CIB1: variants seen among roughly 807,000 people sequenced by gnomAD.
The protein encoded by CIB1 is calcium and integrin binding 1.
Under a neutral mutation model 25.0 loss-of-function variants are expected in CIB1, and 19 were observed. The observed-to-expected ratio is 0.76, with a 90% CI of 0.53 to 1.12. The LOEUF is 1.12. Among genes scored for constraint, CIB1 ranks in the 50% most tolerant of loss-of-function variants. The pLI, the probability that CIB1 is intolerant of heterozygous loss-of-function variation, is 0.00. For synonymous variants in CIB1, 104 were observed against 98.5 expected (o/e 1.06, Z -0.33); for missense variants, 236 against 242.6 (o/e 0.97, Z 0.18).
At chr15:90,235,952 A>G (rs1701624975), upstream of CIB1, 1 of 152,234 alleles carries the variant, frequency 6.6e-6, no homozygotes, top group African/African-American at 2.4e-5. Context: ...AAAAGCAAGA[A>G]GCTGTCATTA....
chr15:90,233,648 A>C (rs1370098621), intron 2 of CIB1, 21 bp downstream of exon 2: 5 of 1,571,040 alleles, frequency 3.2e-6, no homozygotes, highest in Non-Finnish European at 4.3e-6. Flanking sequence ...GGTCGGAGGC[A>C]GGGTTCAAGG....
chr15:90,261,989 G>T, the CIB1 span: 3 of 1,523,378 alleles, frequency 2.0e-6, no homozygotes, highest in African/African-American at 4.1e-5. Context: ...TTGACTCACT[G>T]AGCTTGCTTT....
the CIB1 span, chr15:90,255,923 G>A: frequency 4.3e-6 from 7 of 1,613,370 alleles, no homozygotes; most frequent in Non-Finnish European, 5.9e-6. Flanking sequence ...GATACCAGGG[G>A]GAGGAAAAGG....
At chr15:90,251,081 G>T in the CIB1 span, among the ~76,000 whole-genome samples, 1 of 150,110 alleles carries the variant, frequency 6.7e-6, no homozygotes, top group Non-Finnish European at 1.5e-5. Context: ...GCTCATTTTG[G>T]AATCCCAGCC....
chr15:90,248,816 C>T, the CIB1 span, among the ~76,000 whole-genome samples: 2 of 141,564 alleles, frequency 1.4e-5, no homozygotes, highest in African/African-American at 2.7e-5. Context: ...TTTAGCCACA[C>T]AGTATAATTT....
the CIB1 span, chr15:90,265,480 G>A: frequency 4.3e-6 from 6 of 1,383,004 alleles, no homozygotes; most frequent in Non-Finnish European, 1.9e-6. Context: ...CAGTTTTCCA[G>A]GAGCGTCCTG....
At chr15:90,231,779 A>C (rs1962499333) in intron 3 of CIB1, among the ~76,000 whole-genome samples, 1 of 152,226 alleles carries the variant, frequency 6.6e-6, no homozygotes, top group Admixed American at 6.5e-5. Context: ...AGAGGGAAGA[A>C]GAAGTCATCC....
the CIB1 span, chr15:90,263,787 G>T: frequency 1.4e-6 from 1 of 703,988 alleles, no homozygotes; most frequent in South Asian, 1.5e-5. Flanking sequence ...TGAAATCTAT[G>T]AGTCTGGTCC....
chr15:90,233,634 C>A, intron 2 of CIB1, 35 bp downstream of exon 2: 1 of 1,562,852 alleles, frequency 6.4e-7, no homozygotes. Flanking sequence ...CTAGAGGATC[C>A]CGGGGTCGGA....
At chr15:90,262,103 G>GA in the CIB1 span, 2 of 1,536,000 alleles carry the variant, frequency 1.3e-6, no homozygotes, top group African/African-American at 2.7e-5. Flanking sequence ...CCCTGGGCCT[G>GA]ACACAGAGAA....
the CIB1 span, chr15:90,261,934 TAGTC>T: frequency 7.9e-7 from 1 of 1,268,530 alleles, no homozygotes; most frequent in East Asian, 2.8e-5. Context: ...CTCCAAACCT[TAGTC>T]AGTCTTCCTT....
chr15:90,261,325 C>T, the CIB1 span, among the ~76,000 whole-genome samples: 5 of 151,078 alleles, frequency 3.3e-5, no homozygotes, highest in South Asian at 2.1e-4. Flanking sequence ...GTGATCCACC[C>T]GCCTTGGCCT....
the CIB1 span, chr15:90,265,476 T>C: frequency 7.2e-7 from 1 of 1,379,770 alleles, no homozygotes. Context: ...TATGCAGTTT[T>C]CCAGGAGCGT....
the CIB1 span, chr15:90,264,985 TCTA>T: frequency 1.3e-6 from 2 of 1,528,188 alleles, no homozygotes; most frequent in South Asian, 2.4e-5. Flanking sequence ...AGGGAAGCAC[TCTA>T]CCTCTCCTGG....
the CIB1 span, among the ~76,000 whole-genome samples, chr15:90,247,509 C>A: frequency 6.6e-6 from 1 of 151,100 alleles, no homozygotes; most frequent in Non-Finnish European, 1.5e-5. Flanking sequence ...GCCCATTTCT[C>A]CATCAGCCAG....
the CIB1 span, chr15:90,265,227 T>G: frequency 7.5e-7 from 1 of 1,335,060 alleles, no homozygotes; most frequent in Middle Eastern, 2.9e-4. Flanking sequence ...AGCCTTAGCC[T>G]GGGTTTATCG....
chr15:90,253,719 C>G, the CIB1 span, among the ~76,000 whole-genome samples: 9 of 152,162 alleles, frequency 5.9e-5, no homozygotes, highest in Non-Finnish European at 1.2e-4. Context: ...AATGATCCAG[C>G]CTTCTAAGCA....
the CIB1 span, among the ~76,000 whole-genome samples, chr15:90,251,110 C>A: frequency 1.9e-5 from 2 of 105,214 alleles, no homozygotes; most frequent in African/African-American, 3.9e-5. Context: ...TCATCCTGGT[C>A]TGTCTTTTTT....
chr15:90,261,903 T>G, the CIB1 span: 1 of 996,560 alleles, frequency 1.0e-6, no homozygotes, highest in South Asian at 2.1e-5. Context: ...GCCCAGGAGG[T>G]CAAGAAGCCA....
Sources: allele counts gnomAD v4.1 joint callset (sites outside exome capture counted in the v4.1 genomes callset), GRCh38; gene constraint gnomAD v4.1.1; transcripts MANE v1.5; gene names NCBI Gene and HGNC (gene_info 2026-07-23, HGNC 2026-07-21).